The following ALOX5AP variants were observed in gnomAD, a reference collection of about 807,000 sequenced individuals.
ALOX5AP encodes the protein arachidonate 5-lipoxygenase-activating protein.
ALOX5AP carries 9 observed loss-of-function variants against 18.5 expected under a neutral mutation model. That is an observed-to-expected ratio of 0.49 (90% CI 0.29 to 0.85). The LOEUF (loss-of-function observed/expected upper bound fraction) is 0.85. Ranked by LOEUF, ALOX5AP falls within the 40% of genes least tolerant of loss-of-function variation. ALOX5AP has a pLI of 0.08. For synonymous variants in ALOX5AP, 81 were observed against 78.6 expected, an observed-to-expected ratio of 1.03 and a Z score of -0.16; for missense variants, 172 against 202.5, an observed-to-expected ratio of 0.85 and a Z score of 0.91.
chr13:30,721,913 T>A (rs1297572345), intron 1 of ALOX5AP, among the ~76,000 whole-genome samples: 2 of 152,224 alleles, frequency 1.3e-5, no homozygotes, highest in African/African-American at 4.8e-5. Flanking sequence ...TCCTTTTGTA[T>A]TTGCCAAGAC....
Position 30,735,628 on chromosome 13 carries a change from A to G in ALOX5AP, c.23A>G (p.Asn8Ser), listed in dbSNP as rs1232890421. 10 of 1,613,976 alleles carry G rather than the reference A, an allele frequency of 6.2e-6. No homozygotes were observed. Among genetic ancestry groups the G allele is most frequent in the Admixed American group, 1.7e-5 (1 of 60,004 alleles). ...AACATGGATCAAGAAACTGTAGGCAATGTTGTCCTGTTGGCCATCGTCACC... is the reference window on the plus strand; with the variant it reads ...AACATGGATCAAGAAACTGTAGGCAGTGTTGTCCTGTTGGCCATCGTCACC... MDQETVGNVVLLAIVTLI... is the reference protein window; with the variant it reads MDQETVGSVVLLAIVTLI... Residue 8 changes from asparagine to serine, a missense_variant, in exon 1 of 5, where the codon AAT becomes AGT. Physicochemically the swap from Asn to Ser is conservative, Grantham distance 46 (BLOSUM62 1). Coordinates refer to ENST00000380490, the MANE Select transcript of ALOX5AP (RefSeq NM_001629.4).
At chr13:30,723,356 A>ACTAT (rs1951609275) in intron 1 of ALOX5AP, among the ~76,000 whole-genome samples, 1 of 152,252 alleles carries the variant, frequency 6.6e-6, no homozygotes, top group African/African-American at 2.4e-5. Flanking sequence ...TGTTGAAAAG[A>ACTAT]CTATCTTTGC....
At chr13:30,738,750 G>A (rs538641237) in intron 1 of ALOX5AP, among the ~76,000 whole-genome samples, 6 of 152,192 alleles carry the variant, frequency 3.9e-5, no homozygotes, top group Non-Finnish European at 5.9e-5. Context: ...ATGTCCTCCC[G>A]CAGGAGGCTG....
rs557315764 is a variant in ALOX5AP, at chr13:30,721,284, T to G, written c.116+7443T>G. Among the ~76,000 whole-genome samples the G allele has an allele frequency of 1.3e-4, 20 of 152,252 alleles. No homozygotes were observed. In the South Asian group the frequency reaches 4.2e-3, roughly 32 times the overall value. ...GGGGGCTATGGTGCTTATCAAACAT[T>G]TACTCAAGAATAGCCAAAATTAGCC... On this transcript the variant is annotated intron_variant, in intron 1 of 5. Transcript: ENST00000617770.
At chr13:30,738,298 C>A (rs189214763) in intron 1 of ALOX5AP, among the ~76,000 whole-genome samples, 1 of 152,272 alleles carries the variant, frequency 6.6e-6, no homozygotes, top group African/African-American at 2.4e-5. Context: ...AATTTGTAAC[C>A]CTTTCCAGCT....
chr13:30,742,630 T>C (rs1297346245), intron 1 of ALOX5AP: 1 of 152,120 alleles, frequency 6.6e-6, no homozygotes. Flanking sequence ...AGTGGGCACA[T>C]TCCTACAGAA....
chr13:30,751,015 C>T (rs1008445960), intron 2 of ALOX5AP, among the ~76,000 whole-genome samples: 3 of 152,132 alleles, frequency 2.0e-5, no homozygotes, highest in Non-Finnish European at 2.9e-5. Flanking sequence ...GACTTTATAG[C>T]CCTTTGAGAT....
chr13:30,738,122 G>A (rs962848309), intron 1 of ALOX5AP, among the ~76,000 whole-genome samples: 1 of 152,142 alleles, frequency 6.6e-6, no homozygotes, highest in African/African-American at 2.4e-5. Flanking sequence ...CACAGTCTGT[G>A]TCCCAAGACA....
At chr13:30,716,708 A>C (rs1951553193) in intron 1 of ALOX5AP, among the ~76,000 whole-genome samples, 1 of 152,172 alleles carries the variant, frequency 6.6e-6, no homozygotes, top group Non-Finnish European at 1.5e-5. Flanking sequence ...CACTATCCTG[A>C]CTTTTGACAC....
In ALOX5AP at chr13:30,764,301, C is replaced by T. The variant is rs965368003; in HGVS notation, c.*195C>T. The T allele has an allele frequency of 9.5e-6, 5 of 529,072 alleles. No individual in the cohort carries two copies. The highest frequency in any genetic ancestry group is 4.0e-5 in the Admixed American group (1 of 25,188). 32.8% of individuals were successfully genotyped at this position (529,072 alleles called of 1,614,324 possible). ...GTCAGCTCCGCCCCTTGAACATGAC[C>T]GTGGCCCCAAATTTGCTATTCCCAT... On this transcript the variant is annotated 3_prime_UTR_variant, in exon 5 of 5. Transcript: ENST00000380490.
At chr13:30,715,853 G>A (rs957588553) in intron 1 of ALOX5AP, among the ~76,000 whole-genome samples, 10 of 151,638 alleles carry the variant, frequency 6.6e-5, no homozygotes, top group African/African-American at 1.5e-4. Flanking sequence ...CCTAGCTACC[G>A]AATCCAGCAT....
intron 1 of ALOX5AP, among the ~76,000 whole-genome samples, chr13:30,714,306 C>G (rs868123564): frequency 4.0e-5 from 6 of 151,272 alleles, no homozygotes; most frequent in African/African-American, 1.2e-4. Flanking sequence ...ATCCTTTCTA[C>G]TCTTTCCTGA....
chr13:30,740,307 C>T (rs1951752794), intron 1 of ALOX5AP, among the ~76,000 whole-genome samples: 1 of 152,240 alleles, frequency 6.6e-6, no homozygotes, highest in African/African-American at 2.4e-5. Context: ...TATTTAACTT[C>T]TCTGGCCCTC....
At chr13:30,737,975 C>T (rs1303255606) in intron 1 of ALOX5AP, among the ~76,000 whole-genome samples, 1 of 152,206 alleles carries the variant, frequency 6.6e-6, no homozygotes, top group African/African-American at 2.4e-5. Flanking sequence ...CTCAATGTTG[C>T]AACCATAGAC....
intron 1 of ALOX5AP, among the ~76,000 whole-genome samples, chr13:30,738,767 A>G (rs1442394301): frequency 6.6e-6 from 1 of 152,186 alleles, no homozygotes; most frequent in Non-Finnish European, 1.5e-5. Context: ...GCTGTTCCAC[A>G]TCTGCTCTGG....
upstream of ALOX5AP, among the ~76,000 whole-genome samples, chr13:30,734,106 G>A (rs536836849): frequency 2.4e-4 from 37 of 152,244 alleles, no homozygotes; most frequent in African/African-American, 8.7e-4. Flanking sequence ...ATATATATAT[G>A]AGGAGACTTA....
intron 1 of ALOX5AP, among the ~76,000 whole-genome samples, chr13:30,718,757 A>G (rs1367978379): frequency 1.3e-5 from 2 of 152,152 alleles, no homozygotes; most frequent in Non-Finnish European, 1.5e-5. Flanking sequence ...TAGCTGCCCA[A>G]TGCAGCTCCC....
chr13:30,749,793 C>T (rs1261586593), intron 2 of ALOX5AP, among the ~76,000 whole-genome samples: 2 of 152,170 alleles, frequency 1.3e-5, no homozygotes, highest in Non-Finnish European at 2.9e-5. Flanking sequence ...CCTTCATAGA[C>T]TTCTCCAGAA....
At chr13:30,763,871 G>T in intron 4 of ALOX5AP, 73 bp from the exon 5 acceptor site, 2 of 1,420,828 alleles carry the variant, frequency 1.4e-6, no homozygotes, top group Admixed American at 2.0e-5. Context: ...TCTAAAAGGG[G>T]TAACATTTTT....
Sources: gnomAD v4.1 joint callset for allele counts (sites outside exome capture counted in the v4.1 genomes callset) on GRCh38, gnomAD v4.1.1 for gene constraint, MANE v1.5 for transcripts, NCBI Gene and HGNC (gene_info 2026-07-23, HGNC 2026-07-21) for gene names.